The following ARL8B variants were observed in gnomAD, a reference collection of about 807,000 sequenced individuals.
ARL8B encodes ADP-ribosylation factor-like protein 8B.
In ARL8B, 9 loss-of-function variants were observed where a neutral mutation model predicts 30.6. That is an observed-to-expected ratio of 0.29 (90% CI 0.18 to 0.51). ARL8B has a LOEUF of 0.51. Among genes scored for constraint, ARL8B ranks in the 20% least tolerant of loss-of-function variants. ARL8B has a pLI of 0.97. For synonymous variants in ARL8B, 74 were observed against 76.0 expected, an observed-to-expected ratio of 0.97 and a Z score of 0.14; for missense variants, 130 against 227.2, an observed-to-expected ratio of 0.57 and a Z score of 2.75.
At position 5,122,606 on chromosome 3, in the gene ARL8B, C is replaced by G; in HGVS notation, c.123+18C>G. ...TCATCGCGGTGAGCGCCCGCCCACT[C>G]ACTCGCCCGGGGCTCCGCAGCCAGG... is the stretch of plus-strand genomic sequence containing the variant. On this transcript the variant is annotated intron_variant, in intron 1 of 6. Transcript: ENST00000256496. 6.3e-7 allele frequency: 1 copy of G among 1,590,152 alleles called. No individual in the cohort carries two copies. Among genetic ancestry groups the G allele is most frequent in the Non-Finnish European group, 8.6e-7 (1 of 1,165,344 alleles).
At chr3:5,147,171 C>T (rs138743023) in intron 1 of ARL8B, among the ~76,000 whole-genome samples, 217 of 152,238 alleles carry the variant, frequency 1.4e-3, no homozygotes, top group African/African-American at 4.7e-3. Context: ...TCCCCCGCCT[C>T]CTCCTACCCC....
chr3:5,132,122 C>T (rs1228898667), intron 1 of ARL8B, among the ~76,000 whole-genome samples: 1 of 152,148 alleles, frequency 6.6e-6, no homozygotes, highest in Non-Finnish European at 1.5e-5. Flanking sequence ...CTACTGGGCT[C>T]AAGCTGTCCT....
At chr3:5,146,266 G>A (rs2054417990) in intron 1 of ARL8B, among the ~76,000 whole-genome samples, 1 of 152,104 alleles carries the variant, frequency 6.6e-6, no homozygotes, top group East Asian at 1.9e-4. Context: ...ATGTTCATAG[G>A]GTATCTTACT....
intron 6 of ARL8B, among the ~76,000 whole-genome samples, chr3:5,177,254 C>T (rs2054738160): frequency 6.6e-6 from 1 of 152,180 alleles, no homozygotes; most frequent in African/African-American, 2.4e-5. Context: ...TCCTGGCTCA[C>T]TTAAAAGGTT....
chr3:5,145,194 A>G (rs552730073), intron 1 of ARL8B, among the ~76,000 whole-genome samples: 1 of 152,300 alleles, frequency 6.6e-6, no homozygotes, highest in East Asian at 1.9e-4. Context: ...ATTCAGTGAT[A>G]TCTAAGCAGT....
chr3:5,178,755 T>C lies in ARL8B; in HGVS notation c.*42T>C. 1 of 1,610,324 alleles carries C rather than the reference T, an allele frequency of 6.2e-7. No homozygotes were observed. The highest frequency in any genetic ancestry group is 2.1e-4 in the Middle Eastern group (1 of 4,794). On this transcript the variant is annotated 3_prime_UTR_variant, in exon 7 of 7. Coordinates refer to ENST00000256496, the MANE Select transcript of ARL8B (RefSeq NM_018184.3). ...TTCCAGTCCTTCTTGGCTATAATCC[T>C]AGAATTATTGTCCGTTCCTCTGAAG...
chr3:5,154,790 A>G (rs977616412), intron 1 of ARL8B, among the ~76,000 whole-genome samples: 1 of 152,188 alleles, frequency 6.6e-6, no homozygotes, highest in Non-Finnish European at 1.5e-5. Context: ...GGCTCACTGC[A>G]ACCTCTGCCT....
intron 1 of ARL8B, among the ~76,000 whole-genome samples, chr3:5,140,395 C>G (rs3864058): frequency 0.3 from 45,261 of 151,942 alleles, 6,861 homozygotes; most frequent in South Asian, 0.33. Flanking sequence ...TAGCCCACCA[C>G]CATGTAAGAA....
intron 1 of ARL8B, among the ~76,000 whole-genome samples, chr3:5,169,075 T>C (rs2054647676): frequency 6.6e-6 from 1 of 152,162 alleles, no homozygotes; most frequent in Non-Finnish European, 1.5e-5. Flanking sequence ...ATGACTAGTT[T>C]TTTAAAAATT....
chr3:5,132,639 G>T (rs1294359106), intron 1 of ARL8B, among the ~76,000 whole-genome samples: 1 of 152,074 alleles, frequency 6.6e-6, no homozygotes, highest in Non-Finnish European at 1.5e-5. Flanking sequence ...TTACAATGCT[G>T]TACCCCATTG....
chr3:5,155,954 G>A (rs893121324), intron 1 of ARL8B, among the ~76,000 whole-genome samples: 7 of 151,834 alleles, frequency 4.6e-5, no homozygotes, highest in Admixed American at 4.6e-4. Flanking sequence ...CTAGGCTGGA[G>A]TGCAGTGGCG....
At chr3:5,129,547 A>G (rs1374429796) in intron 1 of ARL8B, among the ~76,000 whole-genome samples, 1 of 152,044 alleles carries the variant, frequency 6.6e-6, no homozygotes, top group East Asian at 1.9e-4. Context: ...TATAGAGAAC[A>G]TAATTCTTTC....
intron 1 of ARL8B, among the ~76,000 whole-genome samples, chr3:5,123,414 GTGTT>G (rs989185344): frequency 2.0e-5 from 3 of 152,190 alleles, no homozygotes; most frequent in Non-Finnish European, 2.9e-5. Context: ...ATAGAATGTG[GTGTT>G]TGTTCAGCAA....
chr3:5,174,422 A>G lies in ARL8B; in HGVS notation c.511+8A>G. On this transcript the variant is annotated splice_region_variant and intron_variant, in intron 6 of 6. Coordinates refer to ENST00000256496, the MANE Select transcript of ARL8B (RefSeq NM_018184.3). ...AAGAAAAGGATAATATAGGTAAGAA[A>G]TGACTGGTAATTTTGGAAGAAATGG... The G allele has an allele frequency of 2.6e-6, 4 of 1,565,048 alleles. No individual in the cohort carries two copies. Among genetic ancestry groups the G allele is most frequent in the Non-Finnish European group, 3.5e-6 (4 of 1,136,508 alleles).
chr3:5,149,575 C>T (rs1181158390), intron 1 of ARL8B, among the ~76,000 whole-genome samples: 3 of 152,216 alleles, frequency 2.0e-5, no homozygotes, highest in African/African-American at 7.2e-5. Flanking sequence ...TACAATCTTC[C>T]CAGATGTGTA....
At chr3:5,165,342 C>T (rs1049556165) in intron 1 of ARL8B, among the ~76,000 whole-genome samples, 7 of 151,988 alleles carry the variant, frequency 4.6e-5, no homozygotes, top group Non-Finnish European at 1.0e-4. Flanking sequence ...AAGCATAATA[C>T]TAATTTGAAA....
chr3:5,146,747 C>T (rs11929290), intron 1 of ARL8B, among the ~76,000 whole-genome samples: 59,717 of 151,984 alleles, frequency 0.39, 13,563 homozygotes, highest in African/African-American at 0.65. Flanking sequence ...CCTCTCAGTT[C>T]GTTCTGGTCC....
intron 6 of ARL8B, among the ~76,000 whole-genome samples, chr3:5,174,615 G>C (rs9832177): frequency 0.012 from 1,797 of 148,270 alleles, 42 homozygotes; most frequent in African/African-American, 0.042. Context: ...TGGCTTCTTT[G>C]AAATTGCAAT....
At chr3:5,147,003 G>C (rs1051455143) in intron 1 of ARL8B, among the ~76,000 whole-genome samples, 9 of 148,364 alleles carry the variant, frequency 6.1e-5, no homozygotes, top group South Asian at 4.3e-4. Flanking sequence ...GGTCATGAGG[G>C]GGATTACCTT....
Sources: allele counts gnomAD v4.1 joint callset (sites outside exome capture counted in the v4.1 genomes callset), GRCh38; gene constraint gnomAD v4.1.1; transcripts MANE v1.5; gene names NCBI Gene and HGNC (gene_info 2026-07-23, HGNC 2026-07-21).